NRG1: variants seen among roughly 807,000 people sequenced by gnomAD.
NRG1 encodes pro-neuregulin-1, membrane-bound isoform.
NRG1 carries 18 observed loss-of-function variants against 63.8 expected under a neutral mutation model. That is an observed-to-expected ratio of 0.28 (90% CI 0.19 to 0.42). The LOEUF (loss-of-function observed/expected upper bound fraction) is 0.42, where lower values mean the gene tolerates loss of function less well. Ranked by LOEUF, NRG1 falls within the 10% of genes least tolerant of loss-of-function variation. NRG1 has a pLI of 1.00. For synonymous variants in NRG1, 302 were observed against 301.3 expected (o/e 1.00, Z -0.02); for missense variants, 762 against 814.7 (o/e 0.94, Z 0.79).
At chr8:31,642,157 G>T (rs1803856197) in intron 1 of NRG1, among the ~76,000 whole-genome samples, 1 of 152,132 alleles carries the variant, frequency 6.6e-6, no homozygotes, top group African/African-American at 2.4e-5. Context: ...CATGGGAAAT[G>T]CTCTGCTGGG....
At chr8:31,663,900 A>G (rs555501879) in intron 1 of NRG1, among the ~76,000 whole-genome samples, 2 of 152,168 alleles carry the variant, frequency 1.3e-5, no homozygotes, top group East Asian at 3.9e-4. Flanking sequence ...AAGCAAAGAG[A>G]GTAGGTAACT....
chr8:31,667,242 G>A (rs1806643626), intron 1 of NRG1, among the ~76,000 whole-genome samples: 1 of 152,222 alleles, frequency 6.6e-6, no homozygotes, highest in South Asian at 2.1e-4. Flanking sequence ...TAGGAGATGA[G>A]TAAAGATCCC....
intron 1 of NRG1, among the ~76,000 whole-genome samples, chr8:32,012,868 A>G (rs1814966688): frequency 6.6e-6 from 1 of 152,098 alleles, no homozygotes; most frequent in Admixed American, 6.6e-5. Flanking sequence ...TGAGAGGGAG[A>G]AAGATAACTG....
At chr8:32,714,670 CA>C (rs2128990254) in intron 5 of NRG1, among the ~76,000 whole-genome samples, 1 of 152,262 alleles carries the variant, frequency 6.6e-6, no homozygotes, top group Non-Finnish European at 1.5e-5. Context: ...ATTTCTTCTA[CA>C]AAAAACTAAA....
chr8:32,177,091 A>G (rs1563875054), intron 1 of NRG1, among the ~76,000 whole-genome samples: 2 of 152,212 alleles, frequency 1.3e-5, no homozygotes, highest in Non-Finnish European at 2.9e-5. Flanking sequence ...ATGCCCAACA[A>G]TGATAGACTG....
chr8:31,846,644 G>A (rs1350688792), intron 1 of NRG1, among the ~76,000 whole-genome samples: 1 of 152,160 alleles, frequency 6.6e-6, no homozygotes, highest in Non-Finnish European at 1.5e-5. Flanking sequence ...AATGTACAAT[G>A]GAATGTGTCA....
chr8:32,132,574 T>C (rs1834974280), intron 1 of NRG1, among the ~76,000 whole-genome samples: 1 of 149,058 alleles, frequency 6.7e-6, no homozygotes, highest in Non-Finnish European at 1.5e-5. Flanking sequence ...GCTTGGCTTT[T>C]TCTTTCCTAT....
chr8:31,716,689 C>T (rs959180096), intron 1 of NRG1, among the ~76,000 whole-genome samples: 2 of 152,074 alleles, frequency 1.3e-5, no homozygotes, highest in Non-Finnish European at 2.9e-5. Flanking sequence ...TTTTTATGTA[C>T]ATTTATGGAG....
chr8:31,846,100 C>A (rs1826662738), intron 1 of NRG1, among the ~76,000 whole-genome samples: 1 of 152,132 alleles, frequency 6.6e-6, no homozygotes, highest in East Asian at 1.9e-4. Flanking sequence ...ATCTTTTCAC[C>A]CAAGGTTTTA....
At chr8:32,444,297 T>C (rs1415447049) in intron 1 of NRG1, among the ~76,000 whole-genome samples, 1 of 151,990 alleles carries the variant, frequency 6.6e-6, no homozygotes, top group Admixed American at 6.6e-5. Context: ...TGTAGTTTTT[T>C]GTTTGGGGTG....
chr8:32,507,542 A>G (rs1828677089), intron 1 of NRG1, among the ~76,000 whole-genome samples: 1 of 152,172 alleles, frequency 6.6e-6, no homozygotes, highest in Non-Finnish European at 1.5e-5. Context: ...AAACAGCATG[A>G]GGGAGAATTT....
At chr8:32,385,274 C>G (rs1810864574) in intron 1 of NRG1, among the ~76,000 whole-genome samples, 1 of 152,150 alleles carries the variant, frequency 6.6e-6, no homozygotes, top group Non-Finnish European at 1.5e-5. Flanking sequence ...ATCCACCCGC[C>G]TTGGCCTCCC....
chr8:31,869,414 C>T (rs992943356), intron 1 of NRG1, among the ~76,000 whole-genome samples: 1 of 152,196 alleles, frequency 6.6e-6, no homozygotes, highest in African/African-American at 2.4e-5. Flanking sequence ...TCAGAGTCAT[C>T]TCTGATGCAG....
intron 1 of NRG1, among the ~76,000 whole-genome samples, chr8:32,111,687 G>T (rs1474529977): frequency 2.0e-5 from 3 of 152,102 alleles, no homozygotes; most frequent in African/African-American, 7.2e-5. Flanking sequence ...TCAGTATTTT[G>T]CCTAGTAAAC....
intron 1 of NRG1, among the ~76,000 whole-genome samples, chr8:32,335,873 C>G (rs1263392841): frequency 2.0e-5 from 3 of 152,140 alleles, no homozygotes; most frequent in Non-Finnish European, 4.4e-5. Flanking sequence ...GGTCATGTCT[C>G]TGAGCATCGG....
chr8:32,638,873 T>C (rs1346324805), intron 5 of NRG1, among the ~76,000 whole-genome samples: 1 of 152,176 alleles, frequency 6.6e-6, no homozygotes, highest in Non-Finnish European at 1.5e-5. Context: ...TACGTCTGCT[T>C]CCATGAGCAT....
chr8:32,707,128 G>C (rs1816634770), intron 5 of NRG1, among the ~76,000 whole-genome samples: 1 of 151,912 alleles, frequency 6.6e-6, no homozygotes, highest in African/African-American at 2.4e-5. Context: ...TTCATCACTT[G>C]ATAAATGATG....
At chr8:32,661,030 C>A (rs1312545562) in intron 5 of NRG1, among the ~76,000 whole-genome samples, 1 of 152,098 alleles carries the variant, frequency 6.6e-6, no homozygotes, top group Non-Finnish European at 1.5e-5. Flanking sequence ...TTATGTGTTA[C>A]CATCATACCT....
chr8:32,124,823 A>C (rs1329877735), intron 1 of NRG1, among the ~76,000 whole-genome samples: 1 of 151,934 alleles, frequency 6.6e-6, no homozygotes, highest in Non-Finnish European at 1.5e-5. Flanking sequence ...TGGACAAGCA[A>C]AGTGCTTTAC....
Sources: gnomAD v4.1 joint callset for allele counts (sites outside exome capture counted in the v4.1 genomes callset) on GRCh38, gnomAD v4.1.1 for gene constraint, MANE v1.5 for transcripts, NCBI Gene and HGNC (gene_info 2026-07-23, HGNC 2026-07-21) for gene names.